Variants in TRPS1 observed in about 807,000 individuals in gnomAD.
TRPS1 encodes the protein zinc finger transcription factor Trps1.
A neutral mutation model predicts 101.2 loss-of-function variants in TRPS1; 6 were observed. That is an observed-to-expected ratio of 0.06 (90% CI 0.03 to 0.12). The LOEUF is 0.12. Ranked by LOEUF, TRPS1 falls within the 10% of genes least tolerant of loss-of-function variation. The pLI is 1.00. For synonymous variants in TRPS1, 578 were observed against 589.8 expected (o/e 0.98, Z 0.29); for missense variants, 1,363 against 1,567.0 (o/e 0.87, Z 2.20).
chr8:115,641,421 G>A (rs1586486118), intron 1 of TRPS1, among the ~76,000 whole-genome samples: 1 of 152,192 alleles, frequency 6.6e-6, no homozygotes, highest in African/African-American at 2.4e-5. Flanking sequence ...CCAAAAAGGG[G>A]CAGCAGCGTC....
chr8:115,643,065 T>A (rs1484764136), intron 1 of TRPS1, among the ~76,000 whole-genome samples: 1 of 152,100 alleles, frequency 6.6e-6, no homozygotes, highest in African/African-American at 2.4e-5. Context: ...AGTATTATGT[T>A]TAAAAAATAC....
chr8:115,525,024 A>G (rs2130243071), intron 5 of TRPS1, among the ~76,000 whole-genome samples: 1 of 104,204 alleles, frequency 9.6e-6, no homozygotes, highest in East Asian at 4.4e-4. Flanking sequence ...CAGTACATAG[A>G]AGTACATCTT....
chr8:115,588,812 C>T (rs1817622159), intron 4 of TRPS1, among the ~76,000 whole-genome samples: 1 of 152,182 alleles, frequency 6.6e-6, no homozygotes, highest in African/African-American at 2.4e-5. Flanking sequence ...TGTACTCATA[C>T]ATGTAATTTT....
intron 5 of TRPS1, among the ~76,000 whole-genome samples, chr8:115,548,046 G>A (rs1045946688): frequency 6.0e-5 from 9 of 151,174 alleles, no homozygotes; most frequent in South Asian, 2.1e-4. Context: ...CCTGAGCAAC[G>A]TAGTGAAACA....
chr8:115,572,647 T>C (rs1817231800), intron 5 of TRPS1, among the ~76,000 whole-genome samples: 1 of 152,174 alleles, frequency 6.6e-6, no homozygotes, highest in South Asian at 2.1e-4. Context: ...CAGTTTATAT[T>C]CAATTATTAA....
chr8:115,441,391 T>A (rs73705198), intron 5 of TRPS1, among the ~76,000 whole-genome samples: 4 of 152,320 alleles, frequency 2.6e-5, no homozygotes, highest in African/African-American at 9.6e-5. Flanking sequence ...ATCCTTTCCA[T>A]AGGAGCTCAC....
At chr8:115,573,650 C>T (rs2130404082) in intron 5 of TRPS1, among the ~76,000 whole-genome samples, 1 of 152,262 alleles carries the variant, frequency 6.6e-6, no homozygotes, top group East Asian at 1.9e-4. Flanking sequence ...TTAAAGGTTT[C>T]ATCAAATTAT....
At chr8:115,667,399 C>T (rs1811948666) in intron 1 of TRPS1, among the ~76,000 whole-genome samples, 1 of 152,206 alleles carries the variant, frequency 6.6e-6, no homozygotes, top group South Asian at 2.1e-4. Context: ...TTTGGAGGGA[C>T]AGCGATGTTT....
chr8:115,613,071 TAATA>T (rs1454105891), intron 3 of TRPS1, among the ~76,000 whole-genome samples: 1 of 152,150 alleles, frequency 6.6e-6, no homozygotes, highest in Non-Finnish European at 1.5e-5. Flanking sequence ...ATCATTTAAA[TAATA>T]AATTCCTAAA....
chr8:115,415,587 C>T (rs1226420585), intron 6 of TRPS1, among the ~76,000 whole-genome samples: 2 of 151,988 alleles, frequency 1.3e-5, no homozygotes, highest in African/African-American at 4.8e-5. Flanking sequence ...GAGACAGGGT[C>T]CTTAGTAGGA....
intron 5 of TRPS1, among the ~76,000 whole-genome samples, chr8:115,562,368 G>T (rs1174175958): frequency 2.6e-5 from 4 of 151,698 alleles, no homozygotes; most frequent in African/African-American, 9.7e-5. Context: ...ATATTTTAAA[G>T]AAGTTGTTTA....
chr8:115,620,076 G>A lies in TRPS1; in HGVS notation c.38-16C>T, dbSNP rs1363954948. 1 of 1,611,526 alleles carries A rather than the reference G, an allele frequency of 6.2e-7. No homozygotes were observed. The highest frequency in any genetic ancestry group is 8.5e-7 in the Non-Finnish European group (1 of 1,177,924). Reference sequence around the variant, plus strand: ...CGGACCATATCTGCAAAGATAAAGGGAAAAGGCAGATACAGTGTTATCTGA... The same window carrying A: ...CGGACCATATCTGCAAAGATAAAGGAAAAAGGCAGATACAGTGTTATCTGA... On this transcript the variant is annotated splice_polypyrimidine_tract_variant and intron_variant, in intron 2 of 6. Coordinates refer to ENST00000395715, the MANE Select transcript of TRPS1 (RefSeq NM_014112.5).
At chr8:115,460,324 A>AC (rs1430881847) in intron 5 of TRPS1, among the ~76,000 whole-genome samples, 125 of 151,870 alleles carry the variant, frequency 8.2e-4, no homozygotes, top group African/African-American at 2.9e-3. Flanking sequence ...ACACACACAC[A>AC]CCCCACATTA....
intron 1 of TRPS1, among the ~76,000 whole-genome samples, chr8:115,661,231 G>A (rs916057020): frequency 2.6e-5 from 4 of 151,754 alleles, no homozygotes; most frequent in Non-Finnish European, 4.4e-5. Context: ...GATAACAATT[G>A]ATTCATTATG....
intron 5 of TRPS1, among the ~76,000 whole-genome samples, chr8:115,470,192 T>C (rs1234558816): frequency 1.3e-5 from 2 of 152,226 alleles, no homozygotes; most frequent in African/African-American, 4.8e-5. Context: ...GGGTAGAACA[T>C]TCTATGAATC....
chr8:115,510,724 T>C (rs1197392978), intron 5 of TRPS1, among the ~76,000 whole-genome samples: 1 of 151,930 alleles, frequency 6.6e-6, no homozygotes, highest in Non-Finnish European at 1.5e-5. Flanking sequence ...ACAAGTCAAT[T>C]TGGAATTCAA....
In TRPS1 at chr8:115,667,883, T is replaced by G. The variant is rs972347573; in HGVS notation, c.-122+662A>C. The stretch of plus-strand genomic sequence containing the variant: ...AGTTCGCCCAACTTACTACTCTGCA[T>G]GCTGGTGCCTAGTCTGCGCCCCGCT... On this transcript the variant is annotated intron_variant, in intron 1 of 6. Coordinates refer to ENST00000395715, the MANE Select transcript of TRPS1 (RefSeq NM_014112.5). 7.2e-6 allele frequency: 11 copies of G among 1,535,374 alleles called. No homozygotes were observed. The highest frequency in any genetic ancestry group is 9.6e-6 in the Non-Finnish European group (11 of 1,146,780).
At chr8:115,539,125 G>C (rs191870662) in intron 5 of TRPS1, among the ~76,000 whole-genome samples, 1 of 152,226 alleles carries the variant, frequency 6.6e-6, no homozygotes, top group Admixed American at 6.5e-5. Flanking sequence ...AATGTATTGA[G>C]GGCCTATAAT....
At chr8:115,650,622 A>C (rs958153130) in intron 1 of TRPS1, among the ~76,000 whole-genome samples, 3 of 152,374 alleles carry the variant, frequency 2.0e-5, no homozygotes, top group Admixed American at 6.5e-5. Flanking sequence ...TAAACTTCAA[A>C]ATTGTTCCCA....
Sources: gnomAD v4.1 joint callset for allele counts (sites outside exome capture counted in the v4.1 genomes callset) on GRCh38, gnomAD v4.1.1 for gene constraint, MANE v1.5 for transcripts, NCBI Gene and HGNC (gene_info 2026-07-23, HGNC 2026-07-21) for gene names.